ZBTB20: variants seen among roughly 807,000 people sequenced by gnomAD.
The protein encoded by ZBTB20 is zinc finger and BTB domain containing 20.
A neutral mutation model predicts 56.9 loss-of-function variants in ZBTB20; 9 were observed. The ratio of observed to expected loss-of-function variants is 0.16; its 90% CI spans 0.10 to 0.28. The LOEUF (loss-of-function observed/expected upper bound fraction) is 0.28. ZBTB20 is among the 10% of genes least tolerant of loss of function. The probability of loss-of-function intolerance (pLI) is 1.00; values close to 1 mark genes in which losing one functional copy is unlikely to be tolerated. For synonymous variants in ZBTB20, 417 were observed against 420.7 expected, an observed-to-expected ratio of 0.99 and a Z score of 0.11; for missense variants, 655 against 1,003.0, an observed-to-expected ratio of 0.65 and a Z score of 4.69.
chr3:115,138,194 C>A (rs1419593072), intron 1 of ZBTB20, among the ~76,000 whole-genome samples: 1 of 152,046 alleles, frequency 6.6e-6, no homozygotes, highest in Non-Finnish European at 1.5e-5. Context: ...TTTTTGACCT[C>A]TACCTTCCCA....
chr3:114,558,375 A>C (rs954527291), intron 6 of ZBTB20, among the ~76,000 whole-genome samples: 3 of 151,930 alleles, frequency 2.0e-5, no homozygotes, highest in African/African-American at 7.2e-5. Context: ...ACAGTACCTC[A>C]TTTGCGAACA....
At chr3:114,538,063 A>C (rs776868671) in intron 6 of ZBTB20, among the ~76,000 whole-genome samples, 22 of 152,122 alleles carry the variant, frequency 1.4e-4, no homozygotes, top group Non-Finnish European at 2.9e-4. Context: ...GCAAACCACC[A>C]TGGCATGTGT....
chr3:114,603,390 A>G (rs2056907203), intron 6 of ZBTB20, among the ~76,000 whole-genome samples: 2 of 151,994 alleles, frequency 1.3e-5, no homozygotes, highest in African/African-American at 4.8e-5. Flanking sequence ...CCCTTAAAAT[A>G]TCTTCTGGAT....
intron 5 of ZBTB20, among the ~76,000 whole-genome samples, chr3:114,792,873 T>C (rs1270153752): frequency 1.2e-5 from 1 of 86,356 alleles, no homozygotes; most frequent in East Asian, 4.3e-4. Context: ...TCTTTTTCTT[T>C]TTCTTTTTTT....
chr3:114,838,548 G>A (rs7615256), intron 4 of ZBTB20, among the ~76,000 whole-genome samples: 34 of 146,124 alleles, frequency 2.3e-4, no homozygotes, highest in African/African-American at 8.6e-4. Flanking sequence ...TGGTGTGACT[G>A]GGGGGGGAAA....
chr3:115,053,213 T>C (rs1439995336), intron 2 of ZBTB20, among the ~76,000 whole-genome samples: 1 of 152,258 alleles, frequency 6.6e-6, no homozygotes, highest in Non-Finnish European at 1.5e-5. Flanking sequence ...CTTTAAAAGA[T>C]GTAACACATT....
intron 6 of ZBTB20, among the ~76,000 whole-genome samples, chr3:114,663,274 T>C (rs2060847171): frequency 6.6e-6 from 1 of 150,930 alleles, no homozygotes; most frequent in South Asian, 2.1e-4. Context: ...CAGAATTTCA[T>C]ATCCAGCCAA....
chr3:114,938,157 T>C (rs1026697017), intron 3 of ZBTB20, among the ~76,000 whole-genome samples: 3 of 146,774 alleles, frequency 2.0e-5, no homozygotes, highest in African/African-American at 8.2e-5. Flanking sequence ...AAGTTCCTTA[T>C]AGATTCTGGA....
intron 8 of ZBTB20, chr3:114,388,103 G>C (rs775903288): frequency 6.6e-6 from 1 of 152,124 alleles, no homozygotes; most frequent in Non-Finnish European, 1.5e-5. Flanking sequence ...CAGGTTTAGC[G>C]TTTTCCAGTA....
rs191007360 is a variant in ZBTB20, at chr3:114,504,394, C to T, written c.-294-4003G>A. 6.2e-3 allele frequency among the ~76,000 whole-genome samples: 944 copies of T among 152,150 alleles called. 36 individuals are homozygous for T. Among genetic ancestry groups the T allele is most frequent in the Admixed American group, 0.052 (797 of 15,264 alleles). On this transcript the variant is annotated intron_variant, in intron 6 of 11. Coordinates refer to ENST00000675478, the MANE Select transcript of ZBTB20 (RefSeq NM_001348800.3). ...ATACCCAGGAATGTGAGCAGTGTAA[C>T]GGGAGTAGAAAAAGCCACAAAATAA...
At chr3:114,806,623 G>A (rs989884648) in intron 4 of ZBTB20, among the ~76,000 whole-genome samples, 1 of 151,850 alleles carries the variant, frequency 6.6e-6, no homozygotes, top group Non-Finnish European at 1.5e-5. Flanking sequence ...AATTACCAAG[G>A]ATTTTATTGA....
intron 4 of ZBTB20, among the ~76,000 whole-genome samples, chr3:114,878,439 G>A (rs2076275841): frequency 6.6e-6 from 1 of 152,064 alleles, no homozygotes; most frequent in Admixed American, 6.6e-5. Context: ...AGAGATGATG[G>A]AAAAGAAGAC....
intron 5 of ZBTB20, among the ~76,000 whole-genome samples, chr3:114,721,567 G>T (rs1017901524): frequency 6.1e-4 from 93 of 152,242 alleles, no homozygotes; most frequent in African/African-American, 1.9e-3. Flanking sequence ...ACCCTAAGAG[G>T]TAAGTAACTT....
intron 6 of ZBTB20, among the ~76,000 whole-genome samples, chr3:114,567,080 G>A (rs2052853976): frequency 6.6e-6 from 1 of 152,130 alleles, no homozygotes; most frequent in Non-Finnish European, 1.5e-5. Flanking sequence ...CTGCACAGGG[G>A]GCTGTGTGTA....
At chr3:115,097,825 T>G (rs1305450918) in intron 1 of ZBTB20, among the ~76,000 whole-genome samples, 1 of 152,130 alleles carries the variant, frequency 6.6e-6, no homozygotes, top group Non-Finnish European at 1.5e-5. Context: ...TACAGCAGAG[T>G]ACAGTGGTTT....
chr3:114,744,027 T>G (rs2066839502), intron 5 of ZBTB20, among the ~76,000 whole-genome samples: 2 of 152,194 alleles, frequency 1.3e-5, no homozygotes, highest in Admixed American at 1.3e-4. Context: ...GAAACCCCAG[T>G]GTGAACTTGA....
intron 1 of ZBTB20, among the ~76,000 whole-genome samples, chr3:115,131,537 T>C (rs1331588465): frequency 2.6e-5 from 4 of 152,124 alleles, no homozygotes; most frequent in Admixed American, 2.0e-4. Flanking sequence ...TTTTCTGCAG[T>C]TTTACCACTA....
At chr3:114,603,958 T>C (rs1373963542) in intron 6 of ZBTB20, among the ~76,000 whole-genome samples, 1 of 152,062 alleles carries the variant, frequency 6.6e-6, no homozygotes, top group East Asian at 1.9e-4. Context: ...AGCTGCTAAT[T>C]GATCCAACTC....
chr3:114,540,522 G>C (rs12488343), intron 6 of ZBTB20, among the ~76,000 whole-genome samples: 34,170 of 151,992 alleles, frequency 0.22, 4,024 homozygotes, highest in African/African-American at 0.29. Context: ...GCACTTGTGG[G>C]ATGCTGTGTA....
Sources: gnomAD v4.1 joint callset for allele counts (sites outside exome capture counted in the v4.1 genomes callset) on GRCh38, gnomAD v4.1.1 for gene constraint, MANE v1.5 for transcripts, NCBI Gene and HGNC (gene_info 2026-07-23, HGNC 2026-07-21) for gene names.